CNBD1: variants seen among roughly 807,000 people sequenced by gnomAD.
The protein encoded by CNBD1 is cyclic nucleotide binding domain containing 1, also known as cyclic nucleotide-binding domain-containing protein 1.
A neutral mutation model predicts 54.4 loss-of-function variants in CNBD1; 71 were observed. The observed-to-expected ratio is 1.30, with a 90% confidence interval of 1.08 to 1.59. The LOEUF (loss-of-function observed/expected upper bound fraction) is 1.59, where lower values mean the gene tolerates loss of function less well. Among genes scored for constraint, CNBD1 ranks in the 40% most tolerant of loss-of-function variants. The probability of loss-of-function intolerance (pLI) is 0.00; values close to 1 mark genes in which losing one functional copy is unlikely to be tolerated. For missense variants in CNBD1, 659 were observed against 518.0 expected (o/e 1.27, Z -2.64); for synonymous variants, 182 against 170.7 (o/e 1.07, Z -0.51).
intron 5 of CNBD1, among the ~76,000 whole-genome samples, chr8:87,223,117 C>G (rs1037773641): frequency 3.3e-5 from 5 of 150,550 alleles, no homozygotes; most frequent in African/African-American, 1.2e-4. Flanking sequence ...ATAAAAACCC[C>G]TGTGACCCCA....
rs1812761471 is a variant in CNBD1 at position 87,157,281 on chromosome 8, T to C, written c.432-48712T>C. Among the ~76,000 whole-genome samples the C allele has an allele frequency of 2.6e-5, 4 of 152,330 alleles. No individual in the cohort carries two copies. The South Asian group carries it at 8.3e-4, about 32-fold the overall frequency. ...TGGCTAATTTATAAGATTTTGTGTC[T>C]GTGTGTTCCTTCTGAAAACAGTAGA... On this transcript the variant is annotated intron_variant, in intron 4 of 10. Transcript: ENST00000518476.
At chr8:87,365,320 G>A (rs1810621486) in intron 10 of CNBD1, among the ~76,000 whole-genome samples, 1 of 151,778 alleles carries the variant, frequency 6.6e-6, no homozygotes, top group Non-Finnish European at 1.5e-5. Flanking sequence ...ATCTGTTCAT[G>A]TCTTTTGCTC....
At chr8:86,914,955 C>T (rs1388140385) in intron 3 of CNBD1, among the ~76,000 whole-genome samples, 1 of 152,064 alleles carries the variant, frequency 6.6e-6, no homozygotes, top group Non-Finnish European at 1.5e-5. Context: ...TGCCTGTTGC[C>T]CAGATAGAGC....
intron 4 of CNBD1, among the ~76,000 whole-genome samples, chr8:87,014,491 CTAAAG>C (rs1395867882): frequency 1.3e-5 from 2 of 151,764 alleles, no homozygotes; most frequent in South Asian, 2.1e-4. Context: ...AGCTTTATTA[CTAAAG>C]TAAATATCTG....
At chr8:87,425,600 T>C (rs1235612297) in intron 2 of CNBD1, among the ~76,000 whole-genome samples, 13 of 152,210 alleles carry the variant, frequency 8.5e-5, no homozygotes, top group Admixed American at 7.2e-4. Flanking sequence ...AGTGTGCCCC[T>C]GCTGGAGGGT....
chr8:87,397,807 G>A (rs1195272398), intron 2 of CNBD1, among the ~76,000 whole-genome samples: 1 of 151,996 alleles, frequency 6.6e-6, no homozygotes, highest in African/African-American at 2.4e-5. Context: ...CATGGTGGTT[G>A]ATGACTGAAT....
At chr8:87,419,827 C>A (rs1302619647) in intron 2 of CNBD1, among the ~76,000 whole-genome samples, 1 of 151,712 alleles carries the variant, frequency 6.6e-6, no homozygotes, top group East Asian at 1.9e-4. Flanking sequence ...ACAAACCCTT[C>A]TAAAGGACAA....
At chr8:87,304,320 G>T (rs1177049766) in intron 8 of CNBD1, among the ~76,000 whole-genome samples, 2 of 152,084 alleles carry the variant, frequency 1.3e-5, no homozygotes, top group Non-Finnish European at 2.9e-5. Flanking sequence ...AAAATGATGA[G>T]TTCATGTCCT....
chr8:87,042,620 A>C lies in CNBD1; in HGVS notation c.431+102866A>C, dbSNP rs555559245. On this transcript the variant is annotated intron_variant, in intron 4 of 10. Transcript: ENST00000518476. ...GGAGCCAGCAAGACCCCTTTTGGAGAGTTTTCTGTGAAATAATACTTAAAA... is the reference window on the plus strand; with the variant it reads ...GGAGCCAGCAAGACCCCTTTTGGAGCGTTTTCTGTGAAATAATACTTAAAA... 3.9e-5 allele frequency among the ~76,000 whole-genome samples: 6 copies of C among 152,284 alleles called. No individual in the cohort carries two copies. The South Asian group carries it at 1.2e-3, about 32-fold the overall frequency.
Position 87,236,934 on chromosome 8 carries a change from G to A in CNBD1, c.593G>A (p.Gly198Glu), listed in dbSNP as rs373039361. Reference sequence around the variant, plus strand: ...TTTTTTTCAGTGGTTGCAAATGATGGATTTTATGTAATACTGAAAGGCCTA... The same window carrying A: ...TTTTTTTCAGTGGTTGCAAATGATGAATTTTATGTAATACTGAAAGGCCTA... ...LKGSTVVANDGFYVILKGLAR... is the reference protein window; with the variant it reads ...LKGSTVVANDEFYVILKGLAR... The change falls in exon 6 of 11, where the codon GGA becomes GAA. Residue 198 changes from glycine (G) to glutamate (E), a missense_variant. By Grantham distance (98) the Gly-to-Glu change is moderately conservative. Transcript: ENST00000518476. The A allele has an allele frequency of 5.7e-6, 9 of 1,591,790 alleles. No individual in the cohort carries two copies. In the African/African-American group the frequency reaches 1.1e-4, roughly 19 times the overall value.
Position 87,030,022 on chromosome 8 carries a change from G to T in CNBD1, c.431+90268G>T, listed in dbSNP as rs187751372. The stretch of plus-strand genomic sequence containing the variant: ...GATATGCTTTTTAAAAGTGAATTCT[G>T]TACTCTGTTCATTGAATTTAACACA... On this transcript the variant is annotated intron_variant, in intron 4 of 10. Coordinates refer to ENST00000518476, the MANE Select transcript of CNBD1 (RefSeq NM_173538.3). Among the ~76,000 whole-genome samples the T allele has an allele frequency of 5.9e-5, 9 of 152,216 alleles. No homozygotes were observed. The East Asian group carries it at 1.2e-3, about 20-fold the overall frequency.
chr8:87,405,596 C>A (rs1368665371), intron 2 of CNBD1, among the ~76,000 whole-genome samples: 1 of 151,998 alleles, frequency 6.6e-6, no homozygotes, highest in Non-Finnish European at 1.5e-5. Context: ...TTGAAGTATT[C>A]AGATGAGTGA....
At chr8:87,061,783 G>A (rs1189828519) in intron 4 of CNBD1, among the ~76,000 whole-genome samples, 2 of 152,286 alleles carry the variant, frequency 1.3e-5, no homozygotes, top group East Asian at 1.9e-4. Context: ...GTAGAGGCAC[G>A]TTTTTCCCCA....
intron 9 of CNBD1, among the ~76,000 whole-genome samples, chr8:87,352,706 A>T (rs924669492): frequency 2.6e-5 from 4 of 152,164 alleles, no homozygotes; most frequent in Non-Finnish European, 4.4e-5. Context: ...CATTTTTATG[A>T]AGTTCTAGAA....
intron 8 of CNBD1, among the ~76,000 whole-genome samples, chr8:87,332,519 C>T (rs910942952): frequency 4.6e-5 from 7 of 152,044 alleles, no homozygotes; most frequent in Admixed American, 3.9e-4. Context: ...TGGAGTTTTA[C>T]ATTTAAGTCT....
intron 4 of CNBD1, among the ~76,000 whole-genome samples, chr8:86,992,972 G>C (rs1208877879): frequency 1.3e-5 from 2 of 152,008 alleles, no homozygotes; most frequent in South Asian, 2.1e-4. Flanking sequence ...GAGGTTCTCT[G>C]TATTTCTTGA....
intron 4 of CNBD1, among the ~76,000 whole-genome samples, chr8:87,191,233 A>G (rs2943172): frequency 0.42 from 63,353 of 151,792 alleles, 14,303 homozygotes; most frequent in Admixed American, 0.51. Context: ...CAAAGGCCAA[A>G]GACTGGGAAT....
intron 10 of CNBD1, among the ~76,000 whole-genome samples, chr8:87,374,469 A>G (rs767109077): frequency 3.1e-4 from 47 of 151,852 alleles, no homozygotes; most frequent in Non-Finnish European, 6.9e-4. Context: ...ACAGACTATT[A>G]CTGAGGATTT....
chr8:87,215,029 A>T (rs1166168042), intron 5 of CNBD1, among the ~76,000 whole-genome samples: 1 of 152,194 alleles, frequency 6.6e-6, no homozygotes, highest in Non-Finnish European at 1.5e-5. Context: ...CTTATATACA[A>T]ATGTTTATAG....
Sources: allele counts gnomAD v4.1 joint callset (sites outside exome capture counted in the v4.1 genomes callset), GRCh38; gene constraint gnomAD v4.1.1; transcripts MANE v1.5; gene names NCBI Gene and HGNC (gene_info 2026-07-23, HGNC 2026-07-21).